Variants in ALDH1A2 observed in about 807,000 individuals in gnomAD.
ALDH1A2 encodes retinal dehydrogenase 2.
A neutral mutation model predicts 60.3 loss-of-function variants in ALDH1A2; 27 were observed. The observed-to-expected ratio is 0.45, with a 90% CI of 0.33 to 0.62. The LOEUF is 0.62. Among genes scored for constraint, ALDH1A2 ranks in the 20% least tolerant of loss-of-function variants. ALDH1A2 has a pLI of 0.02. For missense variants in ALDH1A2, 581 were observed against 643.8 expected (o/e 0.90, Z 1.06); for synonymous variants, 289 against 232.4 (o/e 1.24, Z -2.21).
At chr15:58,016,454 G>C (rs1470339397) in intron 1 of ALDH1A2, among the ~76,000 whole-genome samples, 2 of 151,978 alleles carry the variant, frequency 1.3e-5, no homozygotes, top group African/African-American at 2.4e-5. Flanking sequence ...TCAGTTTTTA[G>C]GTTTCTCTGT....
At chr15:58,033,913 G>T (rs1896311234) in intron 1 of ALDH1A2, among the ~76,000 whole-genome samples, 1 of 149,422 alleles carries the variant, frequency 6.7e-6, no homozygotes, top group Non-Finnish European at 1.5e-5. Context: ...TCTTCAAATT[G>T]GATAGTATCA....
At chr15:57,972,191 A>T (rs1894091637) in intron 7 of ALDH1A2, among the ~76,000 whole-genome samples, 1 of 152,216 alleles carries the variant, frequency 6.6e-6, no homozygotes. Context: ...TGACTTGCAA[A>T]CAGGCACCCA....
At chr15:58,057,788 T>G (rs927469636) in intron 1 of ALDH1A2, among the ~76,000 whole-genome samples, 1 of 152,102 alleles carries the variant, frequency 6.6e-6, no homozygotes, top group Non-Finnish European at 1.5e-5. Flanking sequence ...CCTATATATC[T>G]TTCTCTGCCA....
chr15:58,038,743 A>G (rs1338933094), intron 1 of ALDH1A2, among the ~76,000 whole-genome samples: 1 of 151,778 alleles, frequency 6.6e-6, no homozygotes, highest in Non-Finnish European at 1.5e-5. Context: ...GTAGAAGGCA[A>G]TGGGAATTGC....
rs781550198 is a variant in ALDH1A2, at chr15:57,960,882, A to G, written c.1410-38T>C. The stretch of plus-strand genomic sequence containing the variant: ...AACATAGCACTGTGAGTTCGTGTGA[A>G]GTCTGAGCACATAATCTGACTGGCA... On this transcript the variant is annotated intron_variant, in intron 11 of 12. Transcript: ENST00000249750. 8 of 1,575,346 alleles carry G rather than the reference A, an allele frequency of 5.1e-6. No homozygotes were observed. The African/African-American group carries it at 8.1e-5, about 16-fold the overall frequency.
chr15:58,013,926 C>G lies in ALDH1A2; in HGVS notation c.295G>C (p.Ala99Pro). The stretch of plus-strand genomic sequence containing the variant: ...TCCAACAGACGTCCCCTTTCTGAAG[C>G]ATCCATCCTTCTCCACACTGAACCA... ...SLGSVWRRMD[A>P]SERGRLLDKL... Residue 99 changes from alanine (A) to proline (P), a missense_variant, in exon 3 of 13, where the codon GCT becomes CCT. Coordinates refer to ENST00000249750, the MANE Select transcript of ALDH1A2 (RefSeq NM_003888.4). The G allele has an allele frequency of 6.2e-7, 1 of 1,614,174 alleles. No individual in the cohort carries two copies. The highest frequency in any genetic ancestry group is 2.2e-5 in the East Asian group (1 of 44,878).
intron 7 of ALDH1A2, among the ~76,000 whole-genome samples, chr15:57,984,624 G>GTAAC (rs1299157281): frequency 3.5e-4 from 53 of 152,286 alleles, no homozygotes; most frequent in African/African-American, 1.2e-3. Flanking sequence ...ACAGTCTTTT[G>GTAAC]TAACTGGATT....
Position 58,043,702 on chromosome 15 carries a change from G to A in ALDH1A2, c.117+21832C>T, listed in dbSNP as rs150846407. On this transcript the variant is annotated intron_variant, in intron 1 of 12. Transcript: ENST00000249750. Reference sequence around the variant, plus strand: ...TAAACCTATGCCAAGTCATCACCAAGAACAGCTGGAAACCCTCCCTCCCTG... The same window carrying A: ...TAAACCTATGCCAAGTCATCACCAAAAACAGCTGGAAACCCTCCCTCCCTG... Among the ~76,000 whole-genome samples, 409 of 152,042 alleles carry A rather than the reference G, an allele frequency of 2.7e-3. 3 individuals carry two copies. Among genetic ancestry groups the A allele is most frequent in the African/African-American group, 9.4e-3 (392 of 41,514 alleles).
chr15:57,977,261 T>TTGTG (rs1362431626), intron 7 of ALDH1A2, among the ~76,000 whole-genome samples: 35 of 152,212 alleles, frequency 2.3e-4, no homozygotes, highest in African/African-American at 8.2e-4. Context: ...TTTAATTAGA[T>TTGTG]CCCGTTTGTC....
At chr15:58,012,439 T>A (rs895357384) in intron 3 of ALDH1A2, among the ~76,000 whole-genome samples, 3 of 152,124 alleles carry the variant, frequency 2.0e-5, no homozygotes, top group Non-Finnish European at 2.9e-5. Flanking sequence ...CCAAAAAACT[T>A]GGTTTTGCAT....
chr15:57,973,021 T>C (rs1317623303), intron 7 of ALDH1A2, among the ~76,000 whole-genome samples: 4 of 152,140 alleles, frequency 2.6e-5, no homozygotes, highest in Admixed American at 6.5e-5. Context: ...CTGCGTAAAT[T>C]AGAATGAGTG....
intron 7 of ALDH1A2, chr15:57,980,466 A>G (rs567164246): frequency 1.2e-5 from 4 of 322,454 alleles, no homozygotes; most frequent in South Asian, 3.5e-5. Flanking sequence ...ATGAGTATGC[A>G]TAAGATAATC....
chr15:57,999,885 A>G (rs1393904282), intron 4 of ALDH1A2, among the ~76,000 whole-genome samples: 2 of 152,080 alleles, frequency 1.3e-5, no homozygotes, highest in African/African-American at 2.4e-5. Context: ...ATGCAGCCAT[A>G]AAAAGGAATG....
intron 1 of ALDH1A2, among the ~76,000 whole-genome samples, chr15:58,015,688 T>C (rs1895770917): frequency 6.6e-6 from 1 of 152,164 alleles, no homozygotes; most frequent in East Asian, 1.9e-4. Flanking sequence ...AAGCAGGGTT[T>C]TCTCTCTATT....
chr15:57,996,814 G>T (rs920201439), intron 4 of ALDH1A2, among the ~76,000 whole-genome samples: 12 of 151,842 alleles, frequency 7.9e-5, no homozygotes, highest in African/African-American at 2.4e-4. Context: ...TTAACACTGA[G>T]GTTTTTCCAA....
chr15:57,955,421 C>G, intron 12 of ALDH1A2, 152 bp from the exon 13 acceptor site: 1 of 771,342 alleles, frequency 1.3e-6, no homozygotes, highest in South Asian at 1.4e-5. Flanking sequence ...CGCAGCCCAG[C>G]CTTCCTCTGA....
At chr15:57,995,240 ACAGAAATAAACTTG>A in intron 4 of ALDH1A2, 101 bp from the exon 5 acceptor site, 1 of 826,530 alleles carries the variant, frequency 1.2e-6, no homozygotes, top group East Asian at 2.6e-5. Flanking sequence ...AAAAAAACAA[ACAGAAATAAACTTG>A]AAAAAACATC....
intron 7 of ALDH1A2, among the ~76,000 whole-genome samples, chr15:57,976,897 T>C (rs190906320): frequency 6.6e-6 from 1 of 152,152 alleles, no homozygotes; most frequent in African/African-American, 2.4e-5. Context: ...AAAGCATTCC[T>C]ATTTCTCCAA....
chr15:58,019,960 T>A (rs1311253526), intron 1 of ALDH1A2, among the ~76,000 whole-genome samples: 1 of 152,166 alleles, frequency 6.6e-6, no homozygotes, highest in Non-Finnish European at 1.5e-5. Context: ...TTAGCTTTTT[T>A]ATCCTGATGC....
Sources: allele counts gnomAD v4.1 joint callset (sites outside exome capture counted in the v4.1 genomes callset), GRCh38; gene constraint gnomAD v4.1.1; transcripts MANE v1.5; gene names NCBI Gene and HGNC (gene_info 2026-07-23, HGNC 2026-07-21).